Variants in PDE4B observed in about 807,000 individuals in gnomAD.
PDE4B encodes the protein phosphodiesterase 4B.
Under a neutral mutation model 82.2 loss-of-function variants are expected in PDE4B, and 20 were observed. The observed-to-expected ratio is 0.24, with a 90% CI of 0.17 to 0.35. The LOEUF (loss-of-function observed/expected upper bound fraction) is 0.35. Among genes scored for constraint, PDE4B ranks in the 10% least tolerant of loss-of-function variants. The probability of loss-of-function intolerance (pLI) is 1.00; values close to 1 mark genes in which losing one functional copy is unlikely to be tolerated. For missense variants in PDE4B, 655 were observed against 907.2 expected (o/e 0.72, Z 3.57); for synonymous variants, 320 against 318.9 (o/e 1.00, Z -0.04).
chr1:65,930,965 A>G (rs982252187), intron 3 of PDE4B, among the ~76,000 whole-genome samples: 3 of 152,224 alleles, frequency 2.0e-5, no homozygotes, highest in African/African-American at 2.4e-5. Flanking sequence ...CTCATGTTCA[A>G]TTGTAATCCC....
At chr1:65,989,550 C>T (rs767248255) in intron 3 of PDE4B, among the ~76,000 whole-genome samples, 33 of 152,156 alleles carry the variant, frequency 2.2e-4, no homozygotes, top group Non-Finnish European at 3.7e-4. Context: ...CTGAGACATA[C>T]CTTTAATTGG....
intron 3 of PDE4B, among the ~76,000 whole-genome samples, chr1:65,926,959 A>G (rs910883065): frequency 6.6e-6 from 1 of 152,148 alleles, no homozygotes; most frequent in African/African-American, 2.4e-5. Context: ...AGTGGAGTAC[A>G]TTATTTAAAG....
intron 3 of PDE4B, among the ~76,000 whole-genome samples, chr1:66,161,718 C>T (rs1646616858): frequency 6.6e-6 from 1 of 152,042 alleles, no homozygotes; most frequent in South Asian, 2.1e-4. Context: ...GAACAAATGA[C>T]ATCCTGGGAC....
intron 3 of PDE4B, among the ~76,000 whole-genome samples, chr1:66,227,991 A>G (rs921374393): frequency 6.6e-6 from 1 of 152,108 alleles, no homozygotes; most frequent in African/African-American, 2.4e-5. Context: ...AAATGGCTTC[A>G]TGGTACCCCA....
intron 15 of PDE4B, 105 bp downstream of exon 15, chr1:66,368,170 G>T (rs12068284): frequency 1.6e-5 from 18 of 1,160,204 alleles, no homozygotes; most frequent in Admixed American, 6.5e-5. Context: ...GTATATCCTA[G>T]GCTACTCCTA....
chr1:66,198,557 C>T (rs1369719336), intron 3 of PDE4B, among the ~76,000 whole-genome samples: 1 of 152,008 alleles, frequency 6.6e-6, no homozygotes, highest in Non-Finnish European at 1.5e-5. Flanking sequence ...TTAAGATTCA[C>T]TTGGGGCCTC....
chr1:65,848,553 T>G (rs1330901545), intron 1 of PDE4B, among the ~76,000 whole-genome samples: 2 of 152,204 alleles, frequency 1.3e-5, no homozygotes, highest in African/African-American at 4.8e-5. Flanking sequence ...TCACTTCTTA[T>G]GCCCTACTCT....
chr1:66,159,824 T>C (rs750861036), intron 3 of PDE4B, among the ~76,000 whole-genome samples: 1 of 152,218 alleles, frequency 6.6e-6, no homozygotes, highest in Non-Finnish European at 1.5e-5. Context: ...TTACAGAGAA[T>C]AGAGCAGCTG....
intron 3 of PDE4B, among the ~76,000 whole-genome samples, chr1:65,963,639 T>A (rs902063607): frequency 2.0e-5 from 3 of 152,184 alleles, no homozygotes; most frequent in African/African-American, 7.2e-5. Context: ...GAAAATGAAG[T>A]TTATTAACTC....
At chr1:66,097,019 G>A (rs1300428383) in intron 3 of PDE4B, among the ~76,000 whole-genome samples, 1 of 151,806 alleles carries the variant, frequency 6.6e-6, no homozygotes, top group Non-Finnish European at 1.5e-5. Context: ...TGGACATTTG[G>A]GTTGTTTCCA....
At chr1:65,828,896 A>G (rs1181056630) in intron 1 of PDE4B, among the ~76,000 whole-genome samples, 2 of 152,318 alleles carry the variant, frequency 1.3e-5, no homozygotes, top group Admixed American at 6.5e-5. Flanking sequence ...AAAAAGAGAC[A>G]ATGAGTAAAT....
chr1:66,190,598 G>A (rs1410560908), intron 3 of PDE4B, among the ~76,000 whole-genome samples: 1 of 152,208 alleles, frequency 6.6e-6, no homozygotes, highest in Non-Finnish European at 1.5e-5. Flanking sequence ...TGCTGTGCTA[G>A]CAATGAGTGA....
intron 1 of PDE4B, among the ~76,000 whole-genome samples, chr1:65,842,946 A>G (rs1257483354): frequency 6.6e-6 from 1 of 152,186 alleles, no homozygotes; most frequent in African/African-American, 2.4e-5. Flanking sequence ...AGGGAAGTGG[A>G]GGAAGGAGTT....
intron 3 of PDE4B, among the ~76,000 whole-genome samples, chr1:65,985,126 C>G (rs1650890402): frequency 6.6e-6 from 1 of 152,108 alleles, no homozygotes; most frequent in Non-Finnish European, 1.5e-5. Context: ...TGATCTTGAT[C>G]TAACCTACCA....
At chr1:66,322,946 A>G (rs1345332881) in intron 7 of PDE4B, among the ~76,000 whole-genome samples, 2 of 152,168 alleles carry the variant, frequency 1.3e-5, no homozygotes, top group African/African-American at 2.4e-5. Flanking sequence ...AAAGCCAGAT[A>G]TCAAACTCGT....
Position 66,300,007 on chromosome 1 carries a change from C to T in PDE4B, c.635-32501C>T, listed in dbSNP as rs77611556. 3.3e-3 allele frequency among the ~76,000 whole-genome samples: 496 copies of T among 152,092 alleles called. 2 individuals carry two copies. Among genetic ancestry groups the T allele is most frequent in the African/African-American group, 0.011 (472 of 41,488 alleles). On this transcript the variant is annotated intron_variant, in intron 7 of 16. Transcript: ENST00000341517. ...TAATGGCATGAATATTAAAACCAAACAAAATGCATATTGGAAAAATTGGCA... is the reference window on the plus strand; with the variant it reads ...TAATGGCATGAATATTAAAACCAAATAAAATGCATATTGGAAAAATTGGCA...
chr1:65,950,587 T>A (rs1648942789), intron 3 of PDE4B, among the ~76,000 whole-genome samples: 1 of 152,064 alleles, frequency 6.6e-6, no homozygotes. Context: ...AGTCTGATCC[T>A]ACAGGACACT....
At chr1:66,060,154 T>C (rs1280591977) in intron 3 of PDE4B, among the ~76,000 whole-genome samples, 2 of 152,222 alleles carry the variant, frequency 1.3e-5, no homozygotes, top group East Asian at 3.8e-4. Context: ...AATTTATATC[T>C]TGTGGTTTTC....
intron 7 of PDE4B, chr1:66,332,286 G>A: frequency 1.5e-5 from 23 of 1,511,280 alleles, no homozygotes; most frequent in Non-Finnish European, 1.9e-5. Context: ...TCATCCAGGC[G>A]GGGGGTTGGG....
Sources: gnomAD v4.1 joint callset for allele counts (sites outside exome capture counted in the v4.1 genomes callset) on GRCh38, gnomAD v4.1.1 for gene constraint, MANE v1.5 for transcripts, NCBI Gene and HGNC (gene_info 2026-07-23, HGNC 2026-07-21) for gene names.